The following DOCK3 variants were observed in gnomAD, a reference collection of about 807,000 sequenced individuals.
DOCK3 encodes the protein dedicator of cytokinesis 3, also known as dedicator of cytokinesis protein 3.
In DOCK3, 60 loss-of-function variants were observed where a neutral mutation model predicts 265.6. The observed-to-expected ratio is 0.23, with a 90% CI of 0.18 to 0.28. The LOEUF (loss-of-function observed/expected upper bound fraction) is 0.28, where lower values mean the gene tolerates loss of function less well. Ranked by LOEUF, DOCK3 falls within the 10% of genes least tolerant of loss-of-function variation. The pLI is 1.00. For missense variants in DOCK3, 1,981 were observed against 2,594.3 expected (o/e 0.76, Z 5.14); for synonymous variants, 881 against 938.0 (o/e 0.94, Z 1.11).
chr3:50,698,516 G>GTTTTTTTTTTTTTTTTTT (rs2035788895), intron 1 of DOCK3, among the ~76,000 whole-genome samples: 1 of 12,412 alleles, frequency 8.1e-5, no homozygotes, highest in African/African-American at 2.0e-4. Flanking sequence ...GTATGTTTTT[G>GTTTTTTTTTTTTTTTTTT]GTTTTTTTTT....
chr3:51,220,342 A>C (rs531566360), intron 14 of DOCK3, among the ~76,000 whole-genome samples: 1 of 152,176 alleles, frequency 6.6e-6, no homozygotes, highest in South Asian at 2.1e-4. Flanking sequence ...AGAAGTAGAC[A>C]AGGTATAAAT....
At chr3:50,988,834 G>T (rs35273485) in intron 5 of DOCK3, among the ~76,000 whole-genome samples, 14,450 of 152,086 alleles carry the variant, frequency 0.095, 860 homozygotes, top group Non-Finnish European at 0.12. Context: ...CACTGGGCAG[G>T]TCCTCCAGGC....
chr3:51,345,269 C>T (rs1246648616), intron 38 of DOCK3, among the ~76,000 whole-genome samples: 1 of 152,160 alleles, frequency 6.6e-6, no homozygotes, highest in Non-Finnish European at 1.5e-5. Flanking sequence ...CTTTCTAGCT[C>T]ACTGAGGCAC....
At chr3:50,793,237 T>G (rs539836500) in intron 2 of DOCK3, among the ~76,000 whole-genome samples, 16 of 152,298 alleles carry the variant, frequency 1.1e-4, no homozygotes, top group East Asian at 1.9e-4. Flanking sequence ...TGAATTTTTT[T>G]GGGGTCAGTG....
chr3:50,907,123 G>A (rs2049558814), intron 4 of DOCK3, among the ~76,000 whole-genome samples: 1 of 152,112 alleles, frequency 6.6e-6, no homozygotes, highest in Non-Finnish European at 1.5e-5. Context: ...CTGAGAGACA[G>A]TTTGTTATAA....
intron 32 of DOCK3, among the ~76,000 whole-genome samples, chr3:51,323,318 A>T (rs982286600): frequency 6.6e-6 from 1 of 152,188 alleles, no homozygotes; most frequent in African/African-American, 2.4e-5. Context: ...ATTAACAAGG[A>T]TATCCAGGAC....
At chr3:51,238,291 C>T (rs1192917312) in intron 21 of DOCK3, among the ~76,000 whole-genome samples, 6 of 151,516 alleles carry the variant, frequency 4.0e-5, no homozygotes, top group African/African-American at 1.5e-4. Context: ...TGCAGGTGCC[C>T]ACCACCACAC....
In DOCK3 at chr3:51,130,936, G is replaced by A. The variant is rs574226945; in HGVS notation, c.747-15613G>A. 9.2e-5 allele frequency among the ~76,000 whole-genome samples: 14 copies of A among 152,252 alleles called. No individual in the cohort carries two copies. The South Asian group carries it at 2.9e-3, about 32-fold the overall frequency. ...TTGCCCAGGCTGGTCTCAAACTTCT[G>A]AGCTCAGGCAATTCACCCACCTTGG... On this transcript the variant is annotated intron_variant, in intron 9 of 52. Transcript: ENST00000266037.
intron 8 of DOCK3, among the ~76,000 whole-genome samples, chr3:51,089,932 A>T (rs1386208598): frequency 6.6e-6 from 1 of 151,414 alleles, no homozygotes. Flanking sequence ...GGAAAAAGAA[A>T]ATGGTTTCCT....
chr3:50,828,283 C>A (rs188525975), intron 2 of DOCK3, among the ~76,000 whole-genome samples: 35 of 152,218 alleles, frequency 2.3e-4, no homozygotes, highest in African/African-American at 7.5e-4. Flanking sequence ...TACCACTCCC[C>A]AGATCGCATG....
intron 5 of DOCK3, among the ~76,000 whole-genome samples, chr3:51,013,512 A>G (rs2108784046): frequency 6.6e-6 from 1 of 152,300 alleles, no homozygotes; most frequent in African/African-American, 2.4e-5. Context: ...CAGAATAGCA[A>G]ATATTGCTGC....
At chr3:51,012,610 C>G (rs2078997596) in intron 5 of DOCK3, among the ~76,000 whole-genome samples, 1 of 152,166 alleles carries the variant, frequency 6.6e-6, no homozygotes, top group African/African-American at 2.4e-5. Context: ...GAGGCGATGC[C>G]TTGTCCTGCT....
At chr3:50,876,195 C>G (rs2047693511) in intron 3 of DOCK3, among the ~76,000 whole-genome samples, 1 of 151,994 alleles carries the variant, frequency 6.6e-6, no homozygotes, top group African/African-American at 2.4e-5. Flanking sequence ...AAAGAGAAAT[C>G]AAAATTCCTC....
At chr3:50,887,149 A>C (rs80351783) in intron 3 of DOCK3, among the ~76,000 whole-genome samples, 4,566 of 152,122 alleles carry the variant, frequency 0.03, 99 homozygotes, top group Middle Eastern at 0.11. Flanking sequence ...GAGAAGAATC[A>C]AATAGACGCA....
chr3:50,905,479 T>C (rs1287409328), intron 4 of DOCK3, among the ~76,000 whole-genome samples: 1 of 152,094 alleles, frequency 6.6e-6, no homozygotes, highest in East Asian at 1.9e-4. Flanking sequence ...GTCCTTCACA[T>C]CCCTTGTAAG....
intron 12 of DOCK3, among the ~76,000 whole-genome samples, chr3:51,163,083 T>C (rs2086213626): frequency 6.6e-6 from 1 of 152,234 alleles, no homozygotes; most frequent in African/African-American, 2.4e-5. Flanking sequence ...AGCAATATTT[T>C]CCAGTAAGTT....
At chr3:50,874,040 GTGTTTTTTTTTTTTTCTTTTCTTT>G (rs1348686891) in intron 3 of DOCK3, among the ~76,000 whole-genome samples, 7 of 144,452 alleles carry the variant, frequency 4.8e-5, no homozygotes, top group Admixed American at 3.5e-4. Flanking sequence ...TTTCATGAAG[GTGTTTTTTTTTTTTTCTTTTCTTT>G]TGTTTTTTTT....
chr3:51,094,642 G>GT (rs1328834017), intron 9 of DOCK3, among the ~76,000 whole-genome samples: 2 of 151,444 alleles, frequency 1.3e-5, no homozygotes, highest in Non-Finnish European at 2.9e-5. Context: ...TTTTTGAAGA[G>GT]TTTTTTGTGT....
At chr3:51,334,401 C>T (rs1253516895) in intron 35 of DOCK3, among the ~76,000 whole-genome samples, 1 of 152,190 alleles carries the variant, frequency 6.6e-6, no homozygotes, top group East Asian at 1.9e-4. Context: ...ATTTTCAGCT[C>T]ATGGATCAGG....
Sources: gnomAD v4.1 joint callset for allele counts (sites outside exome capture counted in the v4.1 genomes callset) on GRCh38, gnomAD v4.1.1 for gene constraint, MANE v1.5 for transcripts, NCBI Gene and HGNC (gene_info 2026-07-23, HGNC 2026-07-21) for gene names.